RPS6KC1: variants seen among roughly 807,000 people sequenced by gnomAD.
The protein encoded by RPS6KC1 is ribosomal protein S6 kinase C1.
Under a neutral mutation model 103.8 loss-of-function variants are expected in RPS6KC1, and 54 were observed. The observed-to-expected ratio is 0.52, with a 90% confidence interval of 0.42 to 0.65. RPS6KC1 has a LOEUF of 0.65. RPS6KC1 is among the 30% of genes least tolerant of loss of function. RPS6KC1 has a pLI of 0.00. For synonymous variants in RPS6KC1, 439 were observed against 438.7 expected, an observed-to-expected ratio of 1.00 and a Z score of -0.01; for missense variants, 1,151 against 1,253.8, an observed-to-expected ratio of 0.92 and a Z score of 1.24.
At chr1:213,546,747 C>G in the RPS6KC1 span, among the ~76,000 whole-genome samples, 7 of 152,170 alleles carry the variant, frequency 4.6e-5, no homozygotes, top group Admixed American at 4.6e-4. Flanking sequence ...TCATGTCCTC[C>G]CCCACCAACC....
At chr1:213,071,163 C>A in intron 2 of RPS6KC1, 122 bp downstream of exon 2, 1 of 566,304 alleles carries the variant, frequency 1.8e-6, no homozygotes, top group South Asian at 2.3e-5. Context: ...GAGTTTCGCT[C>A]CTGTTGCTCA....
chr1:213,811,600 T>A, the RPS6KC1 span, among the ~76,000 whole-genome samples: 1 of 152,180 alleles, frequency 6.6e-6, no homozygotes, highest in South Asian at 2.1e-4. Flanking sequence ...CCAGGAGGAC[T>A]CATGAAGGAG....
chr1:213,651,471 C>A, the RPS6KC1 span, among the ~76,000 whole-genome samples: 10 of 152,332 alleles, frequency 6.6e-5, no homozygotes, highest in African/African-American at 2.4e-4. Flanking sequence ...TTAATCCTCA[C>A]AACCAGGCCC....
the RPS6KC1 span, among the ~76,000 whole-genome samples, chr1:213,290,965 A>G: frequency 6.6e-6 from 1 of 152,028 alleles, no homozygotes; most frequent in African/African-American, 2.4e-5. Context: ...TCCTCCTTCA[A>G]TTTCCACCAG....
chr1:213,444,483 GC>G, the RPS6KC1 span, among the ~76,000 whole-genome samples: 1 of 152,188 alleles, frequency 6.6e-6, no homozygotes. Flanking sequence ...AACTGCATAT[GC>G]CTCAGGTGCA....
chr1:213,538,076 C>A, the RPS6KC1 span, among the ~76,000 whole-genome samples: 1 of 152,132 alleles, frequency 6.6e-6, no homozygotes, highest in African/African-American at 2.4e-5. Flanking sequence ...GGAGTCTTTC[C>A]TATCAGGACA....
chr1:213,069,197 T>C (rs557714861), intron 1 of RPS6KC1, among the ~76,000 whole-genome samples: 34 of 152,226 alleles, frequency 2.2e-4, no homozygotes, highest in Non-Finnish European at 1.0e-4. Context: ...ATAGAGAACC[T>C]TTTTTTCCGT....
the RPS6KC1 span, among the ~76,000 whole-genome samples, chr1:213,380,825 A>T: frequency 1.3e-5 from 2 of 152,182 alleles, no homozygotes; most frequent in African/African-American, 4.8e-5. Flanking sequence ...CACCCTGGGC[A>T]GAGCGTCTGT....
chr1:213,626,476 G>C, the RPS6KC1 span, among the ~76,000 whole-genome samples: 1 of 152,130 alleles, frequency 6.6e-6, no homozygotes, highest in African/African-American at 2.4e-5. Flanking sequence ...ATTGCTTTTG[G>C]TGTTTTAGAC....
At chr1:213,097,594 T>C (rs2081583606) in intron 3 of RPS6KC1, among the ~76,000 whole-genome samples, 2 of 152,248 alleles carry the variant, frequency 1.3e-5, no homozygotes, top group African/African-American at 4.8e-5. Flanking sequence ...AGAGTCAGCC[T>C]GTGCTTCGAA....
chr1:213,656,482 A>G, the RPS6KC1 span, among the ~76,000 whole-genome samples: 2 of 152,348 alleles, frequency 1.3e-5, no homozygotes, highest in East Asian at 3.9e-4. Flanking sequence ...AACTGTCACA[A>G]TGGTCACCCT....
chr1:213,595,729 A>G, the RPS6KC1 span, among the ~76,000 whole-genome samples: 1 of 152,264 alleles, frequency 6.6e-6, no homozygotes, highest in Non-Finnish European at 1.5e-5. Context: ...TAGTGAAGCT[A>G]GTGTTCAACA....
At chr1:213,131,782 T>G (rs1367234180) in intron 6 of RPS6KC1, among the ~76,000 whole-genome samples, 1 of 152,164 alleles carries the variant, frequency 6.6e-6, no homozygotes, top group African/African-American at 2.4e-5. Flanking sequence ...AGCATTCTGG[T>G]CTTAAATATC....
chr1:213,418,602 A>T, the RPS6KC1 span, among the ~76,000 whole-genome samples: 2 of 152,142 alleles, frequency 1.3e-5, no homozygotes, highest in Non-Finnish European at 2.9e-5. Flanking sequence ...AGTGTTAAAA[A>T]AGCTTTCACA....
the RPS6KC1 span, among the ~76,000 whole-genome samples, chr1:213,762,482 AT>A: frequency 6.6e-6 from 1 of 152,216 alleles, no homozygotes; most frequent in Non-Finnish European, 1.5e-5. Flanking sequence ...GATGCATCAA[AT>A]ACTAGTGTAA....
the RPS6KC1 span, among the ~76,000 whole-genome samples, chr1:213,641,996 G>A: frequency 6.6e-6 from 1 of 151,988 alleles, no homozygotes; most frequent in Non-Finnish European, 1.5e-5. Context: ...GGATTGCCTG[G>A]TGGGTGTGCA....
the RPS6KC1 span, among the ~76,000 whole-genome samples, chr1:213,565,790 G>A: frequency 6.6e-6 from 1 of 151,970 alleles, no homozygotes; most frequent in Admixed American, 6.6e-5. Context: ...AATCCTTGCT[G>A]ACAGATTTAA....
the RPS6KC1 span, among the ~76,000 whole-genome samples, chr1:213,828,507 A>G: frequency 2.6e-5 from 4 of 152,356 alleles, no homozygotes; most frequent in Admixed American, 6.5e-5. Flanking sequence ...CAGAATAATC[A>G]GAAACCGGAT....
the RPS6KC1 span, among the ~76,000 whole-genome samples, chr1:213,328,909 A>G: frequency 4.9e-4 from 75 of 152,122 alleles, no homozygotes; most frequent in African/African-American, 1.7e-3. Context: ...ACAGAAAAAC[A>G]TTTGTTTCTG....
Sources: allele counts gnomAD v4.1 joint callset (sites outside exome capture counted in the v4.1 genomes callset), GRCh38; gene constraint gnomAD v4.1.1; transcripts MANE v1.5; gene names NCBI Gene and HGNC (gene_info 2026-07-23, HGNC 2026-07-21).